The following SERPINF1 variants were observed in gnomAD, a reference collection of about 807,000 sequenced individuals.
SERPINF1 encodes serpin family F member 1, also known as pigment epithelium-derived factor.
In SERPINF1, 29 loss-of-function variants were observed where a neutral mutation model predicts 37.3. That is an observed-to-expected ratio of 0.78 (90% CI 0.58 to 1.06). The LOEUF (loss-of-function observed/expected upper bound fraction) is 1.06. Among genes scored for constraint, SERPINF1 ranks in the 50% least tolerant of loss-of-function variants. SERPINF1 has a pLI of 0.00. For missense variants in SERPINF1, 553 were observed against 532.2 expected, an observed-to-expected ratio of 1.04 and a Z score of -0.38; for synonymous variants, 281 against 227.9, an observed-to-expected ratio of 1.23 and a Z score of -2.10.
chr17:1,775,388 C>G (rs1907968356), intron 6 of SERPINF1, among the ~76,000 whole-genome samples, 188 bp downstream of exon 6: 1 of 152,092 alleles, frequency 6.6e-6, no homozygotes, highest in South Asian at 2.1e-4. Context: ...GGGATCGTTA[C>G]CAACACTTAC....
rs2151213729 is a variant in SERPINF1 at position 1,777,500 on chromosome 17, T to G, written c.*54T>G. The stretch of plus-strand genomic sequence containing the variant: ...GAAGAAAACCCGAGGGACAGCAGAT[T>G]CCACAGGACACGAAGGCTGCCCCTG... On this transcript the variant is annotated 3_prime_UTR_variant, in exon 8 of 8. Transcript: ENST00000254722. 2 of 1,611,282 alleles carry G rather than the reference T, an allele frequency of 1.2e-6. No homozygotes were observed. The highest frequency in any genetic ancestry group is 4.5e-5 in the East Asian group (2 of 44,878).
intron 3 of SERPINF1, chr17:1,770,452 CTTT>C (rs35913837): frequency 0.051 from 8,183 of 161,970 alleles, 473 homozygotes; most frequent in African/African-American, 0.17. Context: ...ACAGAATAGT[CTTT>C]TTTTTTTTTT....
rs144006481 is a variant in SERPINF1 at position 1,775,170 on chromosome 17, C to A, written c.756C>A (p.Arg252=). The part of the protein sequence containing the change: ...PMMSDPKAVL[R]YGLDSDLSCK... Reference sequence around the variant, plus strand: ...TGTCGGACCCTAAGGCTGTTTTACGCTATGGCTTGGATTCAGATCTCAGCT... The same window carrying A: ...TGTCGGACCCTAAGGCTGTTTTACGATATGGCTTGGATTCAGATCTCAGCT... Residue 252 remains arginine (R), a synonymous_variant, in exon 6 of 8, where the codon CGC becomes CGA. Coordinates refer to ENST00000254722, the MANE Select transcript of SERPINF1 (RefSeq NM_002615.7). 9.4e-5 allele frequency: 152 copies of A among 1,611,280 alleles called. 1 individual carries two copies. In the East Asian group the frequency reaches 3.2e-3, roughly 34 times the overall value.
Position 1,772,032 on chromosome 17 carries a change from C to T in SERPINF1, c.600C>T (p.Pro200=), listed in dbSNP as rs11542991. Residue 200 remains proline, a synonymous_variant, in exon 5 of 8, where the codon CCC becomes CCT. Coordinates refer to ENST00000254722, the MANE Select transcript of SERPINF1 (RefSeq NM_002615.7). ...TCGCCAGGTCCACAAAGGAAATTCC[C>T]GATGAGATCAGCATTCTCCTTCTCG... The part of the protein sequence containing the change: ...GKLARSTKEI[P]DEISILLLGV... The T allele has an allele frequency of 6.2e-6, 10 of 1,613,670 alleles. No individual in the cohort carries two copies. Among genetic ancestry groups the T allele is most frequent in the South Asian group, 5.5e-5 (5 of 91,070 alleles).
chr17:1,765,258 T>C (rs1283859959), intron 1 of SERPINF1, among the ~76,000 whole-genome samples: 1 of 151,764 alleles, frequency 6.6e-6, no homozygotes, highest in Non-Finnish European at 1.5e-5. Flanking sequence ...TTCTCCAGCC[T>C]TAGCCCTCCA....
intron 5 of SERPINF1, among the ~76,000 whole-genome samples, chr17:1,774,808 G>C (rs765013573): frequency 6.6e-6 from 1 of 152,106 alleles, no homozygotes; most frequent in Admixed American, 6.6e-5. Context: ...GTACAATCTA[G>C]ACTCTAATCA....
intron 7 of SERPINF1, 141 bp downstream of exon 7, chr17:1,776,883 C>A: frequency 1.2e-6 from 1 of 828,568 alleles, no homozygotes. Flanking sequence ...CTCATCGTGC[C>A]AGAAGGGAAG....
In SERPINF1 at chr17:1,772,074, G is replaced by C. The variant is rs781570095; in HGVS notation, c.642G>C (p.Lys214Asn). Residue 214 changes from lysine to asparagine, a missense_variant and splice_region_variant, in exon 5 of 8, where the codon AAG becomes AAC. Transcript: ENST00000254722. ...TCCTTCTCGGTGTGGCGCACTTCAA[G>C]GGTGAGCGCGTCTCCAATTCTTTTT... ...SILLLGVAHF[K>N]GQWVTKFDSR... 10 of 1,609,164 alleles carry C rather than the reference G, an allele frequency of 6.2e-6. No individual in the cohort carries two copies. In the Admixed American group the frequency reaches 1.5e-4, roughly 24 times the overall value.
At position 1,777,470 on chromosome 17, in the gene SERPINF1, C is replaced by A. The variant is rs1804146; in HGVS notation, c.*24C>A. On this transcript the variant is annotated 3_prime_UTR_variant, in exon 8 of 8. Coordinates refer to ENST00000254722, the MANE Select transcript of SERPINF1 (RefSeq NM_002615.7). Reference sequence around the variant, plus strand: ...AATATCCCAGTTTAATATTCCAATACCCTAGAAGAAAACCCGAGGGACAGC... The same window carrying A: ...AATATCCCAGTTTAATATTCCAATAACCTAGAAGAAAACCCGAGGGACAGC... 38 of 1,613,758 alleles carry A rather than the reference C, an allele frequency of 2.4e-5. No individual in the cohort carries two copies. Among genetic ancestry groups the A allele is most frequent in the Non-Finnish European group, 3.1e-5 (36 of 1,180,028 alleles).
At chr17:1,768,412 C>CA (rs1907517184) in intron 2 of SERPINF1, among the ~76,000 whole-genome samples, 1 of 124,740 alleles carries the variant, frequency 8.0e-6, no homozygotes, top group Non-Finnish European at 1.6e-5. Context: ...GCCTGGGCGA[C>CA]AGAGTGAGAC....
At chr17:1,767,744 T>C (rs1907472421) in intron 2 of SERPINF1, among the ~76,000 whole-genome samples, 1 of 152,186 alleles carries the variant, frequency 6.6e-6, no homozygotes, top group African/African-American at 2.4e-5. Flanking sequence ...GAATTCTGCG[T>C]CTCCCTCTTC....
chr17:1,770,958 T>C, intron 3 of SERPINF1, 71 bp from the exon 4 acceptor site: 1 of 1,589,346 alleles, frequency 6.3e-7, no homozygotes. Flanking sequence ...ATAGTGTCTG[T>C]GTTCTGGGAG....
rs1179782220 is a variant in SERPINF1 at position 1,772,152 on chromosome 17, T to C, written c.643+77T>C. 4 of 1,476,780 alleles carry C rather than the reference T, an allele frequency of 2.7e-6. No individual in the cohort carries two copies. In the East Asian group the frequency reaches 9.8e-5, roughly 36 times the overall value. 91.5% of individuals were successfully genotyped at this position (1,476,780 alleles called of 1,614,324 possible). A position where few individuals can be genotyped will look rare whatever the true frequency, so the allele number is the denominator to read the frequency against. ...TAATTAATTCGATGGAGTCTTACTCTGTAGTCCTAACTGGAGTGCAGTGGT... is the reference window on the plus strand; with the variant it reads ...TAATTAATTCGATGGAGTCTTACTCCGTAGTCCTAACTGGAGTGCAGTGGT... On this transcript the variant is annotated intron_variant, in intron 5 of 7. Transcript: ENST00000254722.
At chr17:1,773,667 T>C (rs1555572412) in intron 5 of SERPINF1, among the ~76,000 whole-genome samples, 1 of 152,230 alleles carries the variant, frequency 6.6e-6, no homozygotes, top group Non-Finnish European at 1.5e-5. Flanking sequence ...ATCTACTTCA[T>C]AGACACCTTT....
intron 2 of SERPINF1, among the ~76,000 whole-genome samples, chr17:1,768,425 C>T (rs557934765): frequency 7.4e-4 from 86 of 115,594 alleles, no homozygotes; most frequent in African/African-American, 1.8e-3. Context: ...AGTGAGACTC[C>T]GTCTCAAAAA....
chr17:1,775,073 A>G lies in SERPINF1; in HGVS notation c.659A>G (p.Lys220Arg). 1 of 1,614,092 alleles carries G rather than the reference A, an allele frequency of 6.2e-7. No homozygotes were observed. The highest frequency in any genetic ancestry group is 8.5e-7 in the Non-Finnish European group (1 of 1,180,022). The change falls in exon 6 of 8, where the codon AAG (lysine) becomes AGG (arginine). Residue 220 changes from lysine to arginine, a missense_variant. Lys to Arg is a conservative substitution (Grantham distance 26, BLOSUM62 2). Transcript: ENST00000254722. Reference protein sequence around the residue: ...VAHFKGQWVTKFDSRKTSLED... With the variant: ...VAHFKGQWVTRFDSRKTSLED... The stretch of plus-strand genomic sequence containing the variant: ...TTCTTTCCAGGGCAGTGGGTAACAA[A>G]GTTTGACTCCAGAAAGACTTCCCTC...
At chr17:1,771,219 A>T in intron 4 of SERPINF1, 35 bp downstream of exon 4, 2 of 1,604,440 alleles carry the variant, frequency 1.2e-6, no homozygotes, top group Non-Finnish European at 1.7e-6. Context: ...TGCCTGAGGC[A>T]TGTGGGCTCC....
At chr17:1,766,839 A>C in intron 1 of SERPINF1, 64 bp from the exon 2 acceptor site, 2 of 1,481,208 alleles carry the variant, frequency 1.4e-6, no homozygotes, top group African/African-American at 2.8e-5. Flanking sequence ...GGTGGCCAGG[A>C]AGGGGTAGCG....
chr17:1,773,169 G>A (rs866641385), intron 5 of SERPINF1, among the ~76,000 whole-genome samples: 3 of 152,180 alleles, frequency 2.0e-5, no homozygotes, highest in Admixed American at 1.3e-4. Flanking sequence ...GAGACTTGTG[G>A]AGACAGAAGA....
Sources: allele counts gnomAD v4.1 joint callset (sites outside exome capture counted in the v4.1 genomes callset), GRCh38; gene constraint gnomAD v4.1.1; transcripts MANE v1.5; gene names NCBI Gene and HGNC (gene_info 2026-07-23, HGNC 2026-07-21).